PDE4D: variants seen among roughly 807,000 people sequenced by gnomAD.
PDE4D encodes the protein 3',5'-cyclic-AMP phosphodiesterase 4D.
Under a neutral mutation model 87.4 loss-of-function variants are expected in PDE4D, and 24 were observed. That is an observed-to-expected ratio of 0.27 (90% CI 0.20 to 0.39). PDE4D has a LOEUF of 0.39. Ranked by LOEUF, PDE4D falls within the 10% of genes least tolerant of loss-of-function variation. The pLI, the probability that PDE4D is intolerant of heterozygous loss-of-function variation, is 1.00. For synonymous variants in PDE4D, 384 were observed against 383.2 expected (o/e 1.00, Z -0.02); for missense variants, 714 against 1,041.0 (o/e 0.69, Z 4.32).
intron 5 of PDE4D, among the ~76,000 whole-genome samples, chr5:59,165,432 T>C (rs1208074135): frequency 1.3e-5 from 2 of 151,768 alleles, no homozygotes; most frequent in Non-Finnish European, 2.9e-5. Flanking sequence ...CAACACCATG[T>C]CTGGCTAATT....
At chr5:59,029,372 G>A (rs1253192022) in intron 6 of PDE4D, among the ~76,000 whole-genome samples, 13 of 138,736 alleles carry the variant, frequency 9.4e-5, no homozygotes, top group African/African-American at 2.2e-4. Context: ...AGCCGAGATC[G>A]CGCCACTGCA....
intron 5 of PDE4D, among the ~76,000 whole-genome samples, chr5:59,156,060 G>C (rs527700771): frequency 1.3e-5 from 2 of 152,132 alleles, no homozygotes; most frequent in African/African-American, 4.8e-5. Flanking sequence ...CTGAGAGTCC[G>C]ATGAGGTGAC....
intron 1 of PDE4D, among the ~76,000 whole-genome samples, chr5:59,340,193 T>C (rs558338731): frequency 6.6e-6 from 1 of 152,200 alleles, no homozygotes; most frequent in Admixed American, 6.5e-5. Context: ...TTTGATCTCA[T>C]TTATCACTTT....
chr5:59,532,253 G>A (rs1452922800), intron 1 of PDE4D, among the ~76,000 whole-genome samples: 2 of 152,082 alleles, frequency 1.3e-5, no homozygotes, highest in African/African-American at 2.4e-5. Context: ...TCCTGCCTCA[G>A]CCTCCTGAGT....
intron 1 of PDE4D, among the ~76,000 whole-genome samples, chr5:59,392,565 G>C (rs1012356809): frequency 3.4e-5 from 5 of 148,468 alleles, no homozygotes; most frequent in Admixed American, 1.3e-4. Context: ...AATATACCTT[G>C]TCATATTTAT....
chr5:60,047,265 T>C (rs1769400258), intron 2 of PDE4D, among the ~76,000 whole-genome samples: 1 of 152,236 alleles, frequency 6.6e-6, no homozygotes, highest in South Asian at 2.1e-4. Flanking sequence ...TCTTTTTTTC[T>C]TTATTAGTCT....
chr5:59,403,129 A>ATAGGTAGGTAGGTAGGTAGGTAGGTAGG (rs151232838), intron 1 of PDE4D, among the ~76,000 whole-genome samples: 2,233 of 145,398 alleles, frequency 0.015, 18 homozygotes, highest in Middle Eastern at 0.021. Flanking sequence ...TTGGTACATA[A>ATAGGTAGGTAGGTAGGTAGGTAGGTAGG]TAGGTAGGTA....
intron 2 of PDE4D, among the ~76,000 whole-genome samples, chr5:60,037,590 G>C (rs926346163): frequency 4.6e-5 from 7 of 152,174 alleles, no homozygotes; most frequent in Non-Finnish European, 1.5e-5. Context: ...GCAAACAAGA[G>C]GGAGAGTGAT....
At chr5:59,264,315 G>A (rs944828726) in intron 1 of PDE4D, among the ~76,000 whole-genome samples, 2 of 151,972 alleles carry the variant, frequency 1.3e-5, no homozygotes, top group Admixed American at 6.6e-5. Flanking sequence ...AGCTATCTTG[G>A]TTTTAAACAA....
At position 60,508,889 on chromosome 5, in the gene PDE4D, T is replaced by TTTTATTTA. The variant is rs10644681; in HGVS notation, n.70+13154_70+13161dup. 4.9e-4 allele frequency among the ~76,000 whole-genome samples: 74 copies of TTTTATTTA among 151,136 alleles called. 1 individual carries two copies. The highest frequency in any genetic ancestry group is 1.7e-3 in the African/African-American group (70 of 40,654). On this transcript the variant is annotated intron_variant and non_coding_transcript_variant, in intron 1 of 2. Transcript: ENST00000506510. Reference sequence around the variant, plus strand: ...TCTTTTTTTTTCTTTCTTTCTTTTCTTTTATTTATTTATTTATTTATTTAT... The same window carrying TTTTATTTA: ...TCTTTTTTTTTCTTTCTTTCTTTTCTTTTATTTATTTATTTATTTATTTATTTATTTAT...
chr5:59,558,778 C>G (rs964797638), intron 1 of PDE4D: 1 of 152,168 alleles, frequency 6.6e-6, no homozygotes, highest in Non-Finnish European at 1.5e-5. Flanking sequence ...CTGAAGCAGT[C>G]ATGCTAGGGT....
chr5:60,333,579 T>A (rs1424341950), intron 1 of PDE4D, among the ~76,000 whole-genome samples: 3 of 152,192 alleles, frequency 2.0e-5, no homozygotes, highest in South Asian at 2.1e-4. Context: ...TCTGACTAAC[T>A]AATGTGTGGC....
chr5:59,454,768 A>G (rs1181817627), intron 1 of PDE4D, among the ~76,000 whole-genome samples: 1 of 152,336 alleles, frequency 6.6e-6, no homozygotes, highest in East Asian at 1.9e-4. Flanking sequence ...TTTGACAAAA[A>G]TGCTGACAGT....
chr5:60,416,023 A>C (rs112376587), intron 1 of PDE4D, among the ~76,000 whole-genome samples: 4,157 of 152,226 alleles, frequency 0.027, 90 homozygotes, highest in Middle Eastern at 0.078. Context: ...TGCACCAATC[A>C]GCACTCTGTA....
At chr5:60,266,531 C>G (rs1485657655) in intron 1 of PDE4D, among the ~76,000 whole-genome samples, 1 of 152,150 alleles carries the variant, frequency 6.6e-6, no homozygotes, top group Admixed American at 6.5e-5. Flanking sequence ...GCTGCTTCAC[C>G]CTTGGGCAGT....
chr5:59,625,987 C>T (rs1215866451), intron 1 of PDE4D, among the ~76,000 whole-genome samples: 1 of 152,188 alleles, frequency 6.6e-6, no homozygotes, highest in Non-Finnish European at 1.5e-5. Context: ...ACTTGGGTGG[C>T]TGAGGCAGGA....
intron 1 of PDE4D, among the ~76,000 whole-genome samples, chr5:59,838,645 T>C (rs1033984213): frequency 8.5e-5 from 13 of 152,102 alleles, no homozygotes; most frequent in Non-Finnish European, 1.8e-4. Flanking sequence ...ATTGTTCTCC[T>C]GAAACTTCCG....
intron 5 of PDE4D, among the ~76,000 whole-genome samples, chr5:59,056,625 GT>G (rs1343985899): frequency 6.6e-6 from 1 of 151,870 alleles, no homozygotes; most frequent in Non-Finnish European, 1.5e-5. Context: ...CCAGGCCCCA[GT>G]GTGTGATGTT....
intron 5 of PDE4D, among the ~76,000 whole-genome samples, chr5:59,084,419 A>C (rs1176537153): frequency 6.6e-6 from 1 of 152,016 alleles, no homozygotes; most frequent in Non-Finnish European, 1.5e-5. Context: ...ATATATTTAT[A>C]TAGAGACTAT....
Sources: allele counts gnomAD v4.1 joint callset (sites outside exome capture counted in the v4.1 genomes callset), GRCh38; gene constraint gnomAD v4.1.1; transcripts MANE v1.5; gene names NCBI Gene and HGNC (gene_info 2026-07-23, HGNC 2026-07-21).